Variants in WNK2 observed in about 807,000 individuals in gnomAD.
WNK2 encodes the protein WNK lysine deficient protein kinase 2, also known as serine/threonine-protein kinase WNK2.
Under a neutral mutation model 192.1 loss-of-function variants are expected in WNK2, and 67 were observed. The ratio of observed to expected loss-of-function variants is 0.35; its 90% confidence interval spans 0.29 to 0.43. The LOEUF (loss-of-function observed/expected upper bound fraction) is 0.43. Ranked by LOEUF, WNK2 falls within the 20% of genes least tolerant of loss-of-function variation. The probability of loss-of-function intolerance (pLI) is 1.00; values close to 1 mark genes in which losing one functional copy is unlikely to be tolerated. For missense variants in WNK2, 2,698 were observed against 3,089.7 expected (o/e 0.87, Z 3.01); for synonymous variants, 1,439 against 1,393.9 (o/e 1.03, Z -0.72).
chr9:93,189,654 C>G (rs10761198), intron 2 of WNK2, among the ~76,000 whole-genome samples: 71,156 of 151,720 alleles, frequency 0.47, 18,263 homozygotes, highest in African/African-American at 0.68. Context: ...GACAGCCCAG[C>G]CACCCGACAG....
At chr9:93,189,688 C>T (rs970318008) in intron 2 of WNK2, among the ~76,000 whole-genome samples, 9 of 152,246 alleles carry the variant, frequency 5.9e-5, no homozygotes, top group African/African-American at 2.2e-4. Context: ...CGCTGGCAGC[C>T]CCGCCAGTGC....
Position 93,206,708 on chromosome 9 carries a change from G to A in WNK2, c.681+21098G>A, listed in dbSNP as rs188772741. Among the ~76,000 whole-genome samples the A allele has an allele frequency of 1.1e-3, 165 of 152,304 alleles. 1 individual carries two copies. Among genetic ancestry groups the A allele is most frequent in the Middle Eastern group, 6.8e-3 (2 of 294 alleles). The stretch of plus-strand genomic sequence containing the variant: ...GCCCCAATGCTTCTGCTGCCATCAG[G>A]GCCCCGAGTTTGGGGGATGGACAGG... On this transcript the variant is annotated intron_variant, in intron 2 of 29. Transcript: ENST00000427277.
intron 28 of WNK2, among the ~76,000 whole-genome samples, chr9:93,310,319 T>C (rs1410032237): frequency 1.3e-5 from 2 of 152,214 alleles, no homozygotes; most frequent in African/African-American, 4.8e-5. Context: ...CTGGGCAGGC[T>C]CATCTCTGCT....
intron 19 of WNK2, among the ~76,000 whole-genome samples, chr9:93,277,379 A>C (rs1194898565): frequency 6.6e-6 from 1 of 152,246 alleles, no homozygotes; most frequent in East Asian, 1.9e-4. Flanking sequence ...AGAAAAATGA[A>C]AACTTATGTT....
At chr9:93,293,975 C>T (rs1455243020) in intron 23 of WNK2, among the ~76,000 whole-genome samples, 5 of 152,018 alleles carry the variant, frequency 3.3e-5, no homozygotes, top group African/African-American at 1.2e-4. Flanking sequence ...TCTTTCTCTT[C>T]CTCTCTCTTT....
At chr9:93,287,796 C>G (rs1848670467) in intron 19 of WNK2, among the ~76,000 whole-genome samples, 1 of 152,126 alleles carries the variant, frequency 6.6e-6, no homozygotes, top group Non-Finnish European at 1.5e-5. Flanking sequence ...CGTGGGGGCT[C>G]ACACCTGTCA....
chr9:93,306,463 TTTTTCTTTTTTC>T (rs987827200), intron 26 of WNK2, among the ~76,000 whole-genome samples: 17 of 152,066 alleles, frequency 1.1e-4, no homozygotes, highest in Middle Eastern at 6.8e-3. Flanking sequence ...GTGCTTTGCT[TTTTTCTTTTTTC>T]TTTTCTTTTT....
At chr9:93,210,829 C>T (rs905525423) in intron 2 of WNK2, among the ~76,000 whole-genome samples, 4 of 152,202 alleles carry the variant, frequency 2.6e-5, no homozygotes, top group Non-Finnish European at 5.9e-5. Context: ...GAGGCCAGCA[C>T]AGACATAGAC....
chr9:93,211,178 C>G (rs62641080), intron 2 of WNK2, among the ~76,000 whole-genome samples: 3 of 1,482 alleles, frequency 2.0e-3, no homozygotes, highest in African/African-American at 5.1e-3. Flanking sequence ...ACTCATACAT[C>G]CACTCATTCA....
intron 2 of WNK2, among the ~76,000 whole-genome samples, chr9:93,208,584 GTTC>G (rs545072565): frequency 2.8e-4 from 24 of 86,120 alleles, no homozygotes; most frequent in Non-Finnish European, 2.6e-4. Context: ...TATTTGGTGT[GTTC>G]TTCATGTATT....
chr9:93,229,659 C>T lies in WNK2; in HGVS notation c.682-37C>T, dbSNP rs1838400194. 6.3e-7 allele frequency: 1 copy of T among 1,596,818 alleles called. No individual in the cohort carries two copies. Among genetic ancestry groups the T allele is most frequent in the Non-Finnish European group, 8.6e-7 (1 of 1,169,166 alleles). ...CGCCACCGTGTCCCCTTCTGTGTCC[C>T]ATCTCTTGCCCACTTAGCATGTCTC... On this transcript the variant is annotated intron_variant, in intron 2 of 29. Transcript: ENST00000427277. The surrounding 1 kb of genome is among the most constrained non-coding windows in gnomAD (Gnocchi z 4.9).
intron 28 of WNK2, among the ~76,000 whole-genome samples, chr9:93,309,746 CTA>C (rs1376985788): frequency 6.6e-6 from 1 of 152,078 alleles, no homozygotes. Context: ...TTCTTGCCTT[CTA>C]TCTTTGGGTG....
chr9:93,300,740 C>T (rs965242673), intron 26 of WNK2, among the ~76,000 whole-genome samples: 1 of 152,200 alleles, frequency 6.6e-6, no homozygotes, highest in Non-Finnish European at 1.5e-5. Context: ...ACCCACCGCC[C>T]TGTGCCCTGC....
intron 2 of WNK2, among the ~76,000 whole-genome samples, chr9:93,227,349 G>A (rs1011804441): frequency 1.3e-5 from 2 of 152,088 alleles, no homozygotes; most frequent in East Asian, 1.9e-4. Flanking sequence ...TCCTGAGTTC[G>A]TGATCCGCCC....
chr9:93,239,976 GGTA>G lies in WNK2; in HGVS notation c.1542+1_1542+3del. On this transcript the variant is annotated splice_donor_variant and splice_donor_region_variant and intron_variant, in intron 7 of 29. Transcript: ENST00000427277. LOFTEE classifies it high-confidence loss of function. This position sits in a 1 kb window ranked among gnomAD's most constrained non-coding sequence, Gnocchi z 4.2. ...CGCCGGATGAGGTGGCCCAAGAGAT[GGTA>G]AGCAGGACTCAGATGGGGTGAGGTG... 1 of 1,608,870 alleles carries G rather than the reference GGTA, an allele frequency of 6.2e-7. No individual in the cohort carries two copies.
intron 19 of WNK2, among the ~76,000 whole-genome samples, chr9:93,286,464 G>A (rs1848456909): frequency 6.6e-6 from 1 of 152,180 alleles, no homozygotes. Context: ...ACCACACTGA[G>A]CTATCACCTC....
intron 2 of WNK2, among the ~76,000 whole-genome samples, chr9:93,193,387 G>C (rs1175781140): frequency 6.6e-6 from 1 of 152,176 alleles, no homozygotes; most frequent in Non-Finnish European, 1.5e-5. Context: ...GGGGCCTCAG[G>C]TCAACCTCTT....
intron 21 of WNK2, 151 bp from the exon 22 acceptor site, chr9:93,292,157 A>C: frequency 1.4e-6 from 1 of 727,092 alleles, no homozygotes; most frequent in South Asian, 1.7e-5. Context: ...AGGAGCACAC[A>C]CAGCTGGCTC....
chr9:93,289,259 C>A lies in WNK2; in HGVS notation c.4505C>A (p.Ala1502Asp). ...GGTCAACCTGCTCCCCTGCTTCCTG[C>A]CGCAGTGGGGGCCGTCAGCCTGGCC... is the stretch of plus-strand genomic sequence containing the variant. ...ALGQPAPLLP[A>D]AVGAVSLATS... The change falls in exon 20 of 30, where the codon GCC (alanine) becomes GAC (aspartate). Residue 1502 changes from alanine (A) to aspartate (D), a missense_variant. Ala to Asp is a moderately radical substitution (Grantham distance 126). Coordinates refer to ENST00000427277, the MANE Select transcript of WNK2 (RefSeq NM_006648.4). 1 of 1,602,814 alleles carries A rather than the reference C, an allele frequency of 6.2e-7. No homozygotes were observed. Among genetic ancestry groups the A allele is most frequent in the Non-Finnish European group, 8.5e-7 (1 of 1,176,496 alleles).
Sources: allele counts gnomAD v4.1 joint callset (sites outside exome capture counted in the v4.1 genomes callset), GRCh38; gene constraint gnomAD v4.1.1; non-coding constraint Gnocchi (gnomAD v3.1); transcripts MANE v1.5; gene names NCBI Gene and HGNC (gene_info 2026-07-23, HGNC 2026-07-21).